NUS1: variants seen among roughly 807,000 people sequenced by gnomAD.
NUS1 encodes the protein dehydrodolichyl diphosphate synthase complex subunit NUS1.
For missense variants in NUS1, 292 were observed against 382.9 expected (o/e 0.76, Z 1.98); for synonymous variants, 135 against 155.2 (o/e 0.87, Z 0.97).
At chr6:117,694,746 G>A (rs1350564303) in intron 3 of NUS1, among the ~76,000 whole-genome samples, 1 of 152,016 alleles carries the variant, frequency 6.6e-6, no homozygotes, top group Non-Finnish European at 1.5e-5. Flanking sequence ...TTGCCATAAT[G>A]TCATGGTTCT....
intron 1 of NUS1, among the ~76,000 whole-genome samples, chr6:117,684,206 AC>A (rs570692566): frequency 5.1e-4 from 78 of 152,266 alleles, no homozygotes; most frequent in African/African-American, 1.8e-3. Flanking sequence ...TAGTTTGCTG[AC>A]CCCTGTCCTG....
At chr6:117,692,939 C>T in intron 1 of NUS1, 103 bp from the exon 2 acceptor site, 1 of 911,440 alleles carries the variant, frequency 1.1e-6, no homozygotes, top group Non-Finnish European at 1.7e-6. Flanking sequence ...CTTTGTTTGA[C>T]ATTCGTTTAG....
intron 3 of NUS1, among the ~76,000 whole-genome samples, chr6:117,698,057 A>G (rs747449783): frequency 3.4e-4 from 51 of 152,200 alleles, no homozygotes; most frequent in Non-Finnish European, 5.2e-4. Context: ...CTGGATTACC[A>G]GTGGGTCAAT....
intron 1 of NUS1, among the ~76,000 whole-genome samples, chr6:117,676,758 C>T (rs1357964480): frequency 6.6e-6 from 1 of 152,124 alleles, no homozygotes; most frequent in Non-Finnish European, 1.5e-5. Flanking sequence ...GAATTTTAGC[C>T]ATTCTGTGCT....
At chr6:117,691,324 C>T (rs1373865304) in intron 1 of NUS1, among the ~76,000 whole-genome samples, 2 of 151,934 alleles carry the variant, frequency 1.3e-5, no homozygotes, top group African/African-American at 4.8e-5. Flanking sequence ...TTTGCATCAG[C>T]AGCATTGGTC....
intron 1 of NUS1, among the ~76,000 whole-genome samples, chr6:117,682,855 CTT>C (rs1158837636): frequency 6.6e-6 from 1 of 152,136 alleles, no homozygotes; most frequent in Non-Finnish European, 1.5e-5. Flanking sequence ...ACAGTAGTCA[CTT>C]TTAGTACTGT....
chr6:117,675,536 A>G lies in NUS1; in HGVS notation c.-135A>G. The G allele has an allele frequency of 2.5e-6, 2 of 811,372 alleles. No homozygotes were observed. The highest frequency in any genetic ancestry group is 3.8e-6 in the Non-Finnish European group (2 of 532,878). The allele number at this position is 811,372 out of a possible 1,614,324, so 50.3% of individuals were successfully genotyped here. On this transcript the variant is annotated 5_prime_UTR_variant, in exon 1 of 5. Transcript: ENST00000368494. ...GGCGGGGGCGAGGTGAGGTGTTGGC[A>G]GTGGAAAGGGGTTCGGGCTCGGGGG...
chr6:117,697,545 C>CT (rs760133982), intron 3 of NUS1, among the ~76,000 whole-genome samples: 16 of 151,894 alleles, frequency 1.1e-4, no homozygotes, highest in Non-Finnish European at 1.9e-4. Flanking sequence ...GACAAAAACT[C>CT]TAAGAAGAGA....
intron 2 of NUS1, 132 bp from the exon 3 acceptor site, chr6:117,693,899 G>C: frequency 1.2e-6 from 1 of 863,178 alleles, no homozygotes. Context: ...GAAATTGAAG[G>C]GCTTAAAAAA....
chr6:117,705,510 A>G lies in NUS1; in HGVS notation c.792-1415A>G, dbSNP rs555542147. On this transcript the variant is annotated intron_variant, in intron 4 of 4. Coordinates refer to ENST00000368494, the MANE Select transcript of NUS1 (RefSeq NM_138459.5). ...ACGTAACAGGCTCTTCCTTTGACCT[A>G]TGTACATGTCTATGATAGCTATATC... 8.5e-5 allele frequency among the ~76,000 whole-genome samples: 13 copies of G among 152,276 alleles called. No individual in the cohort carries two copies. The South Asian group carries it at 2.3e-3, about 27-fold the overall frequency.
chr6:117,695,886 T>G (rs1195268658), intron 3 of NUS1, among the ~76,000 whole-genome samples: 1 of 152,166 alleles, frequency 6.6e-6, no homozygotes, highest in Non-Finnish European at 1.5e-5. Context: ...GCATTAGTTA[T>G]TCATTGTTTT....
intron 1 of NUS1, among the ~76,000 whole-genome samples, chr6:117,690,640 TA>T (rs1437674286): frequency 6.6e-6 from 1 of 152,184 alleles, no homozygotes; most frequent in Non-Finnish European, 1.5e-5. Context: ...ATCGGCTGTC[TA>T]AAACCGAACT....
chr6:117,708,926 A>G lies in NUS1; in HGVS notation c.*1911A>G, dbSNP rs1239615559. 1 of 152,166 alleles carries G rather than the reference A, an allele frequency of 6.6e-6. No individual in the cohort carries two copies. The highest frequency in any genetic ancestry group is 1.5e-5 in the Non-Finnish European group (1 of 67,986). The allele number at this position is 152,166 out of a possible 1,614,324, so 9.4% of individuals were successfully genotyped here. ...TTAGTCAAATAAATTACCTACTGGA[A>G]TATAGCCCAAGCCAGTAAAGGTTTA... On this transcript the variant is annotated 3_prime_UTR_variant, in exon 5 of 5. Coordinates refer to ENST00000368494, the MANE Select transcript of NUS1 (RefSeq NM_138459.5).
At chr6:117,696,937 A>G (rs1423723208) in intron 3 of NUS1, among the ~76,000 whole-genome samples, 2 of 152,156 alleles carry the variant, frequency 1.3e-5, no homozygotes, top group Non-Finnish European at 2.9e-5. Flanking sequence ...GTCAATAATA[A>G]TAACTAAAAC....
intron 1 of NUS1, among the ~76,000 whole-genome samples, chr6:117,687,635 G>T (rs569581765): frequency 5.8e-4 from 89 of 152,298 alleles, no homozygotes; most frequent in African/African-American, 2.1e-3. Context: ...AAGGATGGAG[G>T]TTGGAGTCAC....
intron 1 of NUS1, among the ~76,000 whole-genome samples, chr6:117,684,191 A>G (rs930819940): frequency 1.6e-4 from 24 of 152,328 alleles, no homozygotes; most frequent in Non-Finnish European, 2.9e-4. Context: ...TGTTTTCCAT[A>G]GCAGTAGTTT....
At chr6:117,705,705 A>G (rs569144446) in intron 4 of NUS1, among the ~76,000 whole-genome samples, 2 of 152,218 alleles carry the variant, frequency 1.3e-5, no homozygotes, top group South Asian at 2.1e-4. Context: ...GTGGCACTAT[A>G]TTGAAGAGTC....
At chr6:117,698,715 A>C (rs1773355914) in intron 3 of NUS1, among the ~76,000 whole-genome samples, 1 of 152,112 alleles carries the variant, frequency 6.6e-6, no homozygotes, top group Admixed American at 6.6e-5. Flanking sequence ...AAGACACATC[A>C]AAAAAAGAAA....
chr6:117,676,332 A>G (rs561698117), intron 1 of NUS1, among the ~76,000 whole-genome samples: 15 of 152,258 alleles, frequency 9.9e-5, no homozygotes, highest in African/African-American at 3.4e-4. Context: ...TAATCCCAGC[A>G]CTTTGGGAGG....
Sources: gnomAD v4.1 joint callset for allele counts (sites outside exome capture counted in the v4.1 genomes callset) on GRCh38, gnomAD v4.1.1 for gene constraint, MANE v1.5 for transcripts, NCBI Gene and HGNC (gene_info 2026-07-23, HGNC 2026-07-21) for gene names.